Variants in SLC38A11 observed in about 807,000 individuals in gnomAD.
SLC38A11 encodes putative sodium-coupled neutral amino acid transporter 11.
A neutral mutation model predicts 49.4 loss-of-function variants in SLC38A11; 51 were observed. That is an observed-to-expected ratio of 1.03 (90% CI 0.83 to 1.30). The LOEUF (loss-of-function observed/expected upper bound fraction) is 1.30, where lower values mean the gene tolerates loss of function less well. Ranked by LOEUF, SLC38A11 falls within the 50% of genes most tolerant of loss-of-function variation. SLC38A11 has a pLI of 0.00. For missense variants in SLC38A11, 574 were observed against 556.2 expected (o/e 1.03, Z -0.32); for synonymous variants, 203 against 192.9 (o/e 1.05, Z -0.43).
chr2:164,951,604 G>A (rs189044731), intron 3 of SLC38A11, among the ~76,000 whole-genome samples: 24 of 152,280 alleles, frequency 1.6e-4, no homozygotes, highest in East Asian at 1.2e-3. Context: ...CTCTGTCTTC[G>A]TCAGCCTGAG....
At chr2:164,948,396 T>G (rs1688284734) in intron 3 of SLC38A11, among the ~76,000 whole-genome samples, 1 of 152,236 alleles carries the variant, frequency 6.6e-6, no homozygotes. Flanking sequence ...TAATTATTTT[T>G]AATCTTCACA....
At chr2:164,942,225 G>T (rs918104525) in intron 5 of SLC38A11, among the ~76,000 whole-genome samples, 3 of 152,088 alleles carry the variant, frequency 2.0e-5, no homozygotes, top group African/African-American at 7.2e-5. Context: ...GAGGTGGGCA[G>T]ATCGTTTGAG....
At chr2:164,908,556 G>A in intron 11 of SLC38A11, 84 bp downstream of exon 11, 1 of 1,281,276 alleles carries the variant, frequency 7.8e-7, no homozygotes, top group East Asian at 2.7e-5. Context: ...CTTTTGTTAA[G>A]GAAAATACAT....
chr2:164,954,494 C>A, intron 2 of SLC38A11, 137 bp downstream of exon 2: 1 of 486,328 alleles, frequency 2.1e-6, no homozygotes, highest in East Asian at 3.1e-5. Flanking sequence ...AAAAAGGAAG[C>A]CTTTTATGGA....
chr2:164,931,307 T>C (rs1310931487), intron 7 of SLC38A11, among the ~76,000 whole-genome samples: 6 of 148,546 alleles, frequency 4.0e-5, no homozygotes, highest in Admixed American at 6.7e-5. Flanking sequence ...TCCACACTTA[T>C]GGATAGGAAG....
chr2:164,948,957 T>C (rs1688328209), intron 3 of SLC38A11, among the ~76,000 whole-genome samples: 1 of 151,752 alleles, frequency 6.6e-6, no homozygotes, highest in African/African-American at 2.4e-5. Context: ...TCCTGCTCTT[T>C]TGAGGCTAGG....
rs149917807 is a variant in SLC38A11 at position 164,918,072 on chromosome 2, A to C, written c.618-2099T>G. 2.3e-3 allele frequency among the ~76,000 whole-genome samples: 353 copies of C among 151,846 alleles called. 3 individuals are homozygous for C. The East Asian group carries it at 0.029, about 13-fold the overall frequency. On this transcript the variant is annotated intron_variant, in intron 7 of 11. Transcript: ENST00000685975. ...CTAGGATTGAGTTCCAGATACAATC[A>C]GTTGTACAGGAAAAAAAAAAAAGAG...
At chr2:164,933,774 G>T (rs1687172390) in intron 7 of SLC38A11, among the ~76,000 whole-genome samples, 1 of 152,044 alleles carries the variant, frequency 6.6e-6, no homozygotes, top group African/African-American at 2.4e-5. Context: ...TCAGAAAGAA[G>T]CCTGCCTGAC....
At chr2:164,939,730 A>G (rs1488238409) in intron 5 of SLC38A11, among the ~76,000 whole-genome samples, 174 bp from the exon 6 acceptor site, 5 of 146,380 alleles carry the variant, frequency 3.4e-5, no homozygotes, top group Admixed American at 7.3e-5. Flanking sequence ...ATAAATCACA[A>G]AAATACAAAC....
chr2:164,927,646 C>A (rs996554408), intron 7 of SLC38A11, among the ~76,000 whole-genome samples: 10 of 152,108 alleles, frequency 6.6e-5, no homozygotes, highest in African/African-American at 2.4e-4. Flanking sequence ...TATCTTCCAA[C>A]CTGTCCCTAC....
chr2:164,937,233 C>A, intron 7 of SLC38A11, 117 bp downstream of exon 7: 2 of 706,128 alleles, frequency 2.8e-6, no homozygotes, highest in East Asian at 2.6e-5. Context: ...TGTCAAATAC[C>A]AAAGATAAAT....
intron 11 of SLC38A11, among the ~76,000 whole-genome samples, chr2:164,902,917 G>T (rs1213296038): frequency 6.6e-6 from 1 of 152,078 alleles, no homozygotes; most frequent in African/African-American, 2.4e-5. Context: ...AGAATATATG[G>T]AAAATATACT....
chr2:164,897,869 A>C lies in SLC38A11; in HGVS notation c.*568T>G, dbSNP rs1022649505. 2.0e-5 allele frequency: 3 copies of C among 152,398 alleles called. No homozygotes were observed. 9.4% of individuals were successfully genotyped at this position (152,398 alleles called of 1,614,324 possible). ...CCTTGCTCCTCACAGCCAGTCTATG[A>C]TTCAGGATTCCTCACATGGAGAGGT... On this transcript the variant is annotated 3_prime_UTR_variant, in exon 12 of 12. Transcript: ENST00000685975.
intron 7 of SLC38A11, among the ~76,000 whole-genome samples, chr2:164,926,710 G>A (rs1335852646): frequency 6.6e-6 from 1 of 152,076 alleles, no homozygotes; most frequent in Non-Finnish European, 1.5e-5. Flanking sequence ...CATGTCCTTT[G>A]TAGGGACATG....
At chr2:164,949,370 G>A (rs560279939) in intron 3 of SLC38A11, among the ~76,000 whole-genome samples, 8 of 152,084 alleles carry the variant, frequency 5.3e-5, no homozygotes, top group African/African-American at 9.6e-5. Flanking sequence ...TGCCTCAGCC[G>A]CTTCAGCTTC....
intron 7 of SLC38A11, among the ~76,000 whole-genome samples, chr2:164,935,842 A>G (rs1261007655): frequency 6.6e-6 from 1 of 152,152 alleles, no homozygotes; most frequent in African/African-American, 2.4e-5. Flanking sequence ...AGATAAACGC[A>G]TGAGGGAAGG....
chr2:164,898,411 A>G lies in SLC38A11; in HGVS notation c.*26T>C. On this transcript the variant is annotated 3_prime_UTR_variant, in exon 12 of 12. Transcript: ENST00000685975. Reference sequence around the variant, plus strand: ...GTTATGTGTTTTAAAGTCTATGAAAACATACATATTTTTAAAGCAGTCAAC... The same window carrying G: ...GTTATGTGTTTTAAAGTCTATGAAAGCATACATATTTTTAAAGCAGTCAAC... The G allele has an allele frequency of 2.7e-6, 4 of 1,500,234 alleles. No individual in the cohort carries two copies. Among genetic ancestry groups the G allele is most frequent in the Non-Finnish European group, 3.7e-6 (4 of 1,083,532 alleles). 92.9% of individuals were successfully genotyped at this position (1,500,234 alleles called of 1,614,324 possible). A position where few individuals can be genotyped will look rare whatever the true frequency, so the allele number is the denominator to read the frequency against.
At position 164,898,615 on chromosome 2, in the gene SLC38A11, A is replaced by G. The variant is rs146481876; in HGVS notation, c.1211T>C (p.Ile404Thr). 5.6e-6 allele frequency: 9 copies of G among 1,613,622 alleles called. No homozygotes were observed. Among genetic ancestry groups the G allele is most frequent in the African/African-American group, 4.0e-5 (3 of 74,996 alleles). Reference protein sequence around the residue: ...DKIMSCVMLPIGAVVMVFGFV... With the variant: ...DKIMSCVMLPTGAVVMVFGFV... ...TCCAAAAACCATCACCACAGCACCA[A>G]TGGGAAGCATGACACAAGACATAAT... is the stretch of plus-strand genomic sequence containing the variant. Residue 404 changes from isoleucine to threonine, a missense_variant, in exon 12 of 12, where the codon ATT (isoleucine) becomes ACT (threonine). Physicochemically the swap from Ile to Thr is moderately conservative, Grantham distance 89. Transcript: ENST00000685975.
intron 9 of SLC38A11, 191 bp from the exon 10 acceptor site, chr2:164,911,939 C>G: frequency 2.5e-6 from 1 of 400,826 alleles, no homozygotes; most frequent in Non-Finnish European, 4.5e-6. Context: ...GCTACAGTTG[C>G]CTACAGAATT....
Sources: allele counts gnomAD v4.1 joint callset (sites outside exome capture counted in the v4.1 genomes callset), GRCh38; gene constraint gnomAD v4.1.1; transcripts MANE v1.5; gene names NCBI Gene and HGNC (gene_info 2026-07-23, HGNC 2026-07-21).